The following CPNE4 variants were observed in gnomAD, a reference collection of about 807,000 sequenced individuals.
The protein encoded by CPNE4 is copine-4.
In CPNE4, 25 loss-of-function variants were observed where a neutral mutation model predicts 67.9. The observed-to-expected ratio is 0.37, with a 90% CI of 0.27 to 0.51. The LOEUF is 0.51. CPNE4 is among the 20% of genes least tolerant of loss of function. The probability of loss-of-function intolerance (pLI) is 0.93; values close to 1 mark genes in which losing one functional copy is unlikely to be tolerated. For synonymous variants in CPNE4, 242 were observed against 244.9 expected, an observed-to-expected ratio of 0.99 and a Z score of 0.11; for missense variants, 464 against 690.8, an observed-to-expected ratio of 0.67 and a Z score of 3.68.
intron 1 of CPNE4, among the ~76,000 whole-genome samples, chr3:131,983,856 T>C (rs1391521331): frequency 2.6e-5 from 4 of 152,202 alleles, no homozygotes; most frequent in Admixed American, 6.5e-5. Flanking sequence ...TTGGAATCAA[T>C]TGATTTACAT....
intron 3 of CPNE4, among the ~76,000 whole-genome samples, chr3:131,714,841 A>G (rs1031791695): frequency 6.6e-6 from 1 of 152,138 alleles, no homozygotes; most frequent in African/African-American, 2.4e-5. Context: ...CTCTCTCATG[A>G]ATAAGGGTCA....
chr3:131,936,650 C>A (rs910659776), intron 1 of CPNE4, among the ~76,000 whole-genome samples: 2 of 149,142 alleles, frequency 1.3e-5, no homozygotes. Flanking sequence ...TGGAAAAGAG[C>A]AAAAAAAAAA....
chr3:132,030,008 T>C (rs983513870), intron 1 of CPNE4, among the ~76,000 whole-genome samples: 3 of 152,022 alleles, frequency 2.0e-5, no homozygotes, highest in African/African-American at 7.2e-5. Context: ...AATGACTTTG[T>C]ACAAATTCAA....
At chr3:131,851,198 A>C (rs1233114427) in intron 2 of CPNE4, among the ~76,000 whole-genome samples, 1 of 152,124 alleles carries the variant, frequency 6.6e-6, no homozygotes, top group African/African-American at 2.4e-5. Flanking sequence ...TGACTAGGAA[A>C]GAAAGTGAGT....
chr3:131,533,711 G>T lies in CPNE4; in HGVS notation c.*1484C>A, dbSNP rs1232864489. The T allele has an allele frequency of 1.3e-5, 2 of 152,176 alleles. No individual in the cohort carries two copies. Among genetic ancestry groups the T allele is most frequent in the Non-Finnish European group, 2.9e-5 (2 of 68,032 alleles). The allele number at this position is 152,176 out of a possible 1,614,324, so 9.4% of individuals were successfully genotyped here. On this transcript the variant is annotated 3_prime_UTR_variant, in exon 16 of 16. Transcript: ENST00000429747. The stretch of plus-strand genomic sequence containing the variant: ...AAGATTAGGATCTATAATTGTAACT[G>T]TGGAAATCATAGAAGGCATTTTATT...
intron 10 of CPNE4, among the ~76,000 whole-genome samples, chr3:131,569,970 G>A (rs1465175549): frequency 6.6e-6 from 1 of 151,620 alleles, no homozygotes; most frequent in African/African-American, 2.4e-5. Context: ...TTCCTCTCTA[G>A]GTATTTTATA....
At chr3:131,915,111 G>C (rs1232917009) in intron 1 of CPNE4, among the ~76,000 whole-genome samples, 2 of 152,180 alleles carry the variant, frequency 1.3e-5, no homozygotes, top group Non-Finnish European at 2.9e-5. Context: ...TTATGGATGT[G>C]GTGGTTAAAT....
At chr3:131,870,617 T>C (rs1240573089) in intron 2 of CPNE4, among the ~76,000 whole-genome samples, 1 of 152,168 alleles carries the variant, frequency 6.6e-6, no homozygotes, top group Non-Finnish European at 1.5e-5. Context: ...CCTCCTTTTC[T>C]TTTCTCCCCC....
chr3:131,761,481 T>C (rs2082890355), intron 2 of CPNE4, among the ~76,000 whole-genome samples: 1 of 152,122 alleles, frequency 6.6e-6, no homozygotes, highest in Non-Finnish European at 1.5e-5. Context: ...CTGGGCATGT[T>C]GTCTGGAATG....
chr3:131,885,087 G>C (rs2087825737), intron 2 of CPNE4, among the ~76,000 whole-genome samples: 1 of 152,236 alleles, frequency 6.6e-6, no homozygotes, highest in East Asian at 1.9e-4. Context: ...ACAGGAAAAT[G>C]TGGGAAAGTT....
chr3:131,890,492 G>A lies in CPNE4; in HGVS notation c.180+14772C>T, dbSNP rs539602765. Reference sequence around the variant, plus strand: ...GAAATTAGAACCCTTATACACTGTTGGTGGGAATATAAAACGCTGCAGCCA... The same window carrying A: ...GAAATTAGAACCCTTATACACTGTTAGTGGGAATATAAAACGCTGCAGCCA... On this transcript the variant is annotated intron_variant, in intron 2 of 15. Transcript: ENST00000429747. 1.1e-3 allele frequency among the ~76,000 whole-genome samples: 173 copies of A among 151,046 alleles called. 1 individual carries two copies. The Middle Eastern group carries it at 0.017, about 15-fold the overall frequency.
intron 2 of CPNE4, among the ~76,000 whole-genome samples, chr3:131,762,068 C>T (rs1216957952): frequency 6.6e-6 from 1 of 151,984 alleles, no homozygotes; most frequent in Non-Finnish European, 1.5e-5. Context: ...ATCTTTCTAA[C>T]AACTTTGATG....
intron 7 of CPNE4, among the ~76,000 whole-genome samples, chr3:131,613,959 A>T (rs929837031): frequency 3.9e-5 from 6 of 152,168 alleles, no homozygotes; most frequent in Admixed American, 1.3e-4. Context: ...TTTAAACTTA[A>T]TTAAGAGTTT....
At chr3:131,960,420 G>C (rs1376636530) in intron 1 of CPNE4, among the ~76,000 whole-genome samples, 1 of 152,032 alleles carries the variant, frequency 6.6e-6, no homozygotes, top group Non-Finnish European at 1.5e-5. Context: ...AAGTTAATCA[G>C]AGAAGAAGGG....
chr3:131,734,577 G>C (rs553916466), intron 2 of CPNE4, among the ~76,000 whole-genome samples: 2 of 152,022 alleles, frequency 1.3e-5, no homozygotes, highest in Non-Finnish European at 2.9e-5. Flanking sequence ...ATATGGAGTA[G>C]GTCCATAGAT....
intron 2 of CPNE4, among the ~76,000 whole-genome samples, chr3:131,778,780 G>A (rs1171745213): frequency 6.6e-6 from 1 of 151,948 alleles, no homozygotes; most frequent in Admixed American, 6.6e-5. Context: ...AGAACTGTAG[G>A]GTAATACAAA....
intron 2 of CPNE4, among the ~76,000 whole-genome samples, chr3:131,768,268 A>C (rs2083074802): frequency 6.6e-6 from 1 of 152,074 alleles, no homozygotes; most frequent in Non-Finnish European, 1.5e-5. Flanking sequence ...CAGGAATTTC[A>C]ATTTCTTTTG....
At chr3:131,806,555 A>C in intron 2 of CPNE4, among the ~76,000 whole-genome samples, 1 of 151,924 alleles carries the variant, frequency 6.6e-6, no homozygotes, top group South Asian at 2.1e-4. Flanking sequence ...GTCTCAAAAA[A>C]AAAAAAAAAA....
At chr3:131,588,043 A>G (rs1011677030) in intron 7 of CPNE4, among the ~76,000 whole-genome samples, 2 of 152,120 alleles carry the variant, frequency 1.3e-5, no homozygotes, top group South Asian at 4.1e-4. Context: ...GAATGGGGCC[A>G]TATTAATCAC....
Sources: gnomAD v4.1 joint callset for allele counts (sites outside exome capture counted in the v4.1 genomes callset) on GRCh38, gnomAD v4.1.1 for gene constraint, MANE v1.5 for transcripts, NCBI Gene and HGNC (gene_info 2026-07-23, HGNC 2026-07-21) for gene names.